The following EIF3D variants were observed in gnomAD, a reference collection of about 807,000 sequenced individuals.
EIF3D encodes the protein eukaryotic translation initiation factor 3 subunit D.
EIF3D carries 10 observed loss-of-function variants against 75.4 expected under a neutral mutation model. That is an observed-to-expected ratio of 0.13 (90% confidence interval 0.08 to 0.22). The LOEUF is 0.22. EIF3D is among the 10% of genes least tolerant of loss of function. The pLI is 1.00. For synonymous variants in EIF3D, 246 were observed against 248.3 expected (o/e 0.99, Z 0.09); for missense variants, 394 against 708.0 (o/e 0.56, Z 5.03).
chr22:36,523,376 ATCACCAC>A (rs142575825), intron 5 of EIF3D, 95 bp from the exon 6 acceptor site: 24,018 of 947,260 alleles, frequency 0.025, 397 homozygotes, highest in Non-Finnish European at 0.031. Flanking sequence ...AAACCTTACC[ATCACCAC>A]TAACTCCTTT....
intron 13 of EIF3D, 27 bp downstream of exon 13, chr22:36,512,433 C>T (rs748799502): frequency 2.5e-6 from 4 of 1,612,542 alleles, no homozygotes; most frequent in African/African-American, 1.3e-5. Context: ...ACAAGATCAG[C>T]TGCCAGCTCC....
chr22:36,520,457 T>C, intron 7 of EIF3D, 119 bp downstream of exon 7: 1 of 648,752 alleles, frequency 1.5e-6, no homozygotes, highest in Non-Finnish European at 2.6e-6. Context: ...TTATGAAATG[T>C]GTTTTGAGTA....
At chr22:36,523,322 C>CAGTG in intron 5 of EIF3D, 41 bp from the exon 6 acceptor site, 1 of 1,520,094 alleles carries the variant, frequency 6.6e-7, no homozygotes, top group Non-Finnish European at 9.0e-7. Flanking sequence ...GACCTTTAAA[C>CAGTG]CAGTGGCTTC....
chr22:36,517,599 G>A (rs112272262), intron 9 of EIF3D, 168 bp from the exon 10 acceptor site: 10,636 of 616,736 alleles, frequency 0.017, 145 homozygotes, highest in Non-Finnish European at 0.022. Context: ...GGGGGAGTGG[G>A]GCAGCTGCTC....
intron 12 of EIF3D, among the ~76,000 whole-genome samples, chr22:36,515,075 G>A (rs554707552): frequency 6.6e-6 from 1 of 152,190 alleles, no homozygotes; most frequent in Non-Finnish European, 1.5e-5. Context: ...CCTCAGCCAC[G>A]CTTCCTCTAG....
At position 36,511,527 on chromosome 22, in the gene EIF3D, C is replaced by T. The variant is rs968706921; in HGVS notation, c.1609G>A (p.Glu537Lys). ...FSSDEDEEEE[E>K]EEEEEEEEEE... is the part of the protein sequence containing the mutation. ...CCTTCTTCTTCCTCTTCTTCCTCCT[C>T]CTCTTCCTCCTCATCTTCATCAGAG... Residue 537 changes from glutamate (E) to lysine (K), a missense_variant, in exon 14 of 15, where the codon GAG becomes AAG. Physicochemically the swap from Glu to Lys is moderately conservative, Grantham distance 56 (BLOSUM62 1). Transcript: ENST00000216190. 6.2e-7 allele frequency: 1 copy of T among 1,613,894 alleles called. No homozygotes were observed. Among genetic ancestry groups the T allele is most frequent in the Non-Finnish European group, 8.5e-7 (1 of 1,179,900 alleles).
intron 1 of EIF3D, among the ~76,000 whole-genome samples, chr22:36,527,553 C>T (rs1162218726): frequency 1.3e-5 from 2 of 152,134 alleles, no homozygotes; most frequent in Non-Finnish European, 2.9e-5. Flanking sequence ...ACAAGTATTT[C>T]TTGGAGGCCG....
intron 7 of EIF3D, among the ~76,000 whole-genome samples, chr22:36,519,907 C>G (rs1354513115): frequency 6.6e-6 from 1 of 152,174 alleles, no homozygotes; most frequent in African/African-American, 2.4e-5. Context: ...TTTGAAATGT[C>G]AGGAGAAGCA....
At chr22:36,513,825 G>C (rs893875929) in intron 12 of EIF3D, among the ~76,000 whole-genome samples, 5 of 152,188 alleles carry the variant, frequency 3.3e-5, no homozygotes, top group African/African-American at 1.2e-4. Flanking sequence ...TGAGTAGCTA[G>C]GACTATAGGT....
chr22:36,518,987 C>A, intron 8 of EIF3D, 77 bp from the exon 9 acceptor site: 1 of 1,562,198 alleles, frequency 6.4e-7, no homozygotes, highest in South Asian at 1.2e-5. Context: ...TGGGAAAGAA[C>A]TCCTTTGCTG....
chr22:36,512,335 T>C, intron 13 of EIF3D, 125 bp downstream of exon 13: 1 of 1,386,892 alleles, frequency 7.2e-7, no homozygotes, highest in Non-Finnish European at 9.9e-7. Context: ...CCTCCATCTC[T>C]ACCCCACCCC....
rs1934434476 is a variant in EIF3D, at chr22:36,516,768, G to A, written c.1013C>T (p.Pro338Leu). The A allele has an allele frequency of 6.2e-7, 1 of 1,614,076 alleles. No homozygotes were observed. Among genetic ancestry groups the A allele is most frequent in the African/African-American group, 1.3e-5 (1 of 74,924 alleles). ...LRMGKERYNF[P>L]NPNPFVEDDM... is the part of the protein sequence containing the mutation. Reference sequence around the variant, plus strand: ...GTCCTCCACAAACGGGTTTGGGTTGGGGAAGTTGTATCTTTCCTTCCCCTG... The same window carrying A: ...GTCCTCCACAAACGGGTTTGGGTTGAGGAAGTTGTATCTTTCCTTCCCCTG... The change falls in exon 11 of 15, where the codon CCC (proline) becomes CTC (leucine). Residue 338 changes from proline (P) to leucine (L), a missense_variant. Coordinates refer to ENST00000216190, the MANE Select transcript of EIF3D (RefSeq NM_003753.4).
At chr22:36,518,709 G>C in intron 9 of EIF3D, 54 bp downstream of exon 9, 1 of 1,603,802 alleles carries the variant, frequency 6.2e-7, no homozygotes. Flanking sequence ...GACTTGTTCT[G>C]TACCAACAAA....
rs1934324778 is a variant in EIF3D, at chr22:36,510,993, T to A, written c.1641A>T (p.Glu547Asp). 6.2e-7 allele frequency: 1 copy of A among 1,608,290 alleles called. No individual in the cohort carries two copies. Among genetic ancestry groups the A allele is most frequent in the African/African-American group, 1.3e-5 (1 of 74,408 alleles). ...EEEEEEEEEEET is the reference protein window; with the variant it reads ...EEEEEEEEEEDT ...CCAGCTCCACATCACTGGTTTAAGTTTCTTCCTCTGAAAGACACAAAAAAT... is the reference window on the plus strand; with the variant it reads ...CCAGCTCCACATCACTGGTTTAAGTATCTTCCTCTGAAAGACACAAAAAAT... Residue 547 changes from glutamate to aspartate, a missense_variant, in exon 15 of 15, where the codon GAA becomes GAT. Physicochemically the swap from Glu to Asp is conservative, Grantham distance 45 (BLOSUM62 2). Coordinates refer to ENST00000216190, the MANE Select transcript of EIF3D (RefSeq NM_003753.4).
intron 7 of EIF3D, among the ~76,000 whole-genome samples, 180 bp downstream of exon 7, chr22:36,520,396 G>T (rs189745217): frequency 2.0e-5 from 3 of 152,124 alleles, no homozygotes; most frequent in Non-Finnish European, 2.9e-5. Flanking sequence ...GACCTCAGGT[G>T]ACCCACTGCA....
intron 8 of EIF3D, among the ~76,000 whole-genome samples, 182 bp downstream of exon 8, chr22:36,519,223 C>T (rs897965966): frequency 2.6e-5 from 4 of 152,320 alleles, no homozygotes; most frequent in African/African-American, 4.8e-5. Context: ...AGCCAGGAAG[C>T]GCGGCAGAAC....
intron 9 of EIF3D, 91 bp downstream of exon 9, chr22:36,518,672 A>G: frequency 1.3e-6 from 2 of 1,515,126 alleles, no homozygotes; most frequent in Non-Finnish European, 1.8e-6. Context: ...AAGACAGACC[A>G]CTTTCTATCC....
intron 12 of EIF3D, 175 bp from the exon 13 acceptor site, chr22:36,512,777 C>A (rs538823064): frequency 3.2e-5 from 22 of 681,042 alleles, no homozygotes; most frequent in Non-Finnish European, 4.7e-5. Flanking sequence ...CACAGCCTGC[C>A]GCACAGCAGT....
At position 36,526,054 on chromosome 22, in the gene EIF3D, T is replaced by C; in HGVS notation, c.68A>G (p.Glu23Gly). Residue 23 changes from glutamate to glycine, a missense_variant, in exon 2 of 15, where the codon GAG becomes GGG. Coordinates refer to ENST00000216190, the MANE Select transcript of EIF3D (RefSeq NM_003753.4). ...CTGGTAGGGCATATCCCGAAACTGC[T>C]CGGGAACCGCACAGGGACCCCAGCC... ...PSGWGPCAVP[E>G]QFRDMPYQPF... is the part of the protein sequence containing the mutation. The C allele has an allele frequency of 6.2e-7, 1 of 1,613,726 alleles. No individual in the cohort carries two copies.
Sources: allele counts gnomAD v4.1 joint callset (sites outside exome capture counted in the v4.1 genomes callset), GRCh38; gene constraint gnomAD v4.1.1; transcripts MANE v1.5; gene names NCBI Gene and HGNC (gene_info 2026-07-23, HGNC 2026-07-21).